PPP1R16B: variants seen among roughly 807,000 people sequenced by gnomAD.
The protein encoded by PPP1R16B is protein phosphatase 1 regulatory subunit 16B, also known as protein phosphatase 1 regulatory inhibitor subunit 16B.
In PPP1R16B, 14 loss-of-function variants were observed where a neutral mutation model predicts 61.7. The ratio of observed to expected loss-of-function variants is 0.23; its 90% CI spans 0.15 to 0.35. The LOEUF (loss-of-function observed/expected upper bound fraction) is 0.35. Among genes scored for constraint, PPP1R16B ranks in the 10% least tolerant of loss-of-function variants. The pLI, the probability that PPP1R16B is intolerant of heterozygous loss-of-function variation, is 1.00. For synonymous variants in PPP1R16B, 266 were observed against 305.3 expected (o/e 0.87, Z 1.34); for missense variants, 547 against 752.5 (o/e 0.73, Z 3.19).
chr20:38,835,815 C>A lies in PPP1R16B; in HGVS notation c.-101-10C>A. ...ACATGTGTTCATCTGTGTCTCCCTC[C>A]CTGCCACAGGCCACACCATGAGGCC... On this transcript the variant is annotated splice_polypyrimidine_tract_variant and intron_variant, in intron 1 of 10. Coordinates refer to ENST00000299824, the MANE Select transcript of PPP1R16B (RefSeq NM_015568.4). 1 of 1,292,526 alleles carries A rather than the reference C, an allele frequency of 7.7e-7. No homozygotes were observed. The highest frequency in any genetic ancestry group is 1.0e-6 in the Non-Finnish European group (1 of 969,290). The allele number at this position is 1,292,526 out of a possible 1,614,324, so 80.1% of individuals were successfully genotyped here.
intron 2 of PPP1R16B, among the ~76,000 whole-genome samples, chr20:38,876,846 A>AG (rs1296415110): frequency 1.3e-5 from 2 of 152,362 alleles, no homozygotes; most frequent in Non-Finnish European, 1.5e-5. Context: ...TTATAAAGGT[A>AG]GTACATATGG....
chr20:38,833,592 TTTAA>T (rs1475765373), intron 1 of PPP1R16B, among the ~76,000 whole-genome samples: 1 of 152,212 alleles, frequency 6.6e-6, no homozygotes, highest in Non-Finnish European at 1.5e-5. Flanking sequence ...AAATAAAAAG[TTTAA>T]TTAGTTGAAA....
At chr20:38,840,741 G>T (rs1423077561) in intron 2 of PPP1R16B, among the ~76,000 whole-genome samples, 1 of 152,210 alleles carries the variant, frequency 6.6e-6, no homozygotes, top group East Asian at 1.9e-4. Flanking sequence ...CCTGCAGTTT[G>T]TCCTCCAGGA....
At chr20:38,853,893 A>G (rs2084985192) in intron 2 of PPP1R16B, among the ~76,000 whole-genome samples, 1 of 152,180 alleles carries the variant, frequency 6.6e-6, no homozygotes, top group African/African-American at 2.4e-5. Flanking sequence ...GCCCCAATGC[A>G]CAAGTATTTA....
chr20:38,915,898 G>T (rs149743045), intron 10 of PPP1R16B, among the ~76,000 whole-genome samples: 2 of 151,928 alleles, frequency 1.3e-5, no homozygotes, highest in Non-Finnish European at 2.9e-5. Context: ...TCTTAGAAGT[G>T]CCAAATTGCA....
In PPP1R16B at chr20:38,895,604, C is replaced by A. The variant is rs369792119; in HGVS notation, c.361C>A (p.Leu121Ile). 3.1e-6 allele frequency: 5 copies of A among 1,613,672 alleles called. No individual in the cohort carries two copies. The highest frequency in any genetic ancestry group is 4.2e-6 in the Non-Finnish European group (5 of 1,179,686). The change falls in exon 4 of 11, where the codon CTC becomes ATC. Residue 121 changes from leucine to isoleucine, a missense_variant. Physicochemically the swap from Leu to Ile is conservative, Grantham distance 5. Coordinates refer to ENST00000299824, the MANE Select transcript of PPP1R16B (RefSeq NM_015568.4). Reference sequence around the variant, plus strand: ...CTTTGAGGAAATTGTGAAGCTGCTCCTCTCCCATGGTGCCAATGTGAACGC... The same window carrying A: ...CTTTGAGGAAATTGTGAAGCTGCTCATCTCCCATGGTGCCAATGTGAACGC... ...DNFEEIVKLL[L>I]SHGANVNAKD...
At chr20:38,905,023 T>C (rs556203319) in intron 6 of PPP1R16B, among the ~76,000 whole-genome samples, 2 of 152,334 alleles carry the variant, frequency 1.3e-5, no homozygotes, top group South Asian at 2.1e-4. Context: ...TGAACAATCA[T>C]GACAACTGAG....
At chr20:38,855,907 C>CATAT (rs371138532) in intron 2 of PPP1R16B, among the ~76,000 whole-genome samples, 331 of 17,770 alleles carry the variant, frequency 0.019, 20 homozygotes, top group Non-Finnish European at 0.021. Flanking sequence ...CAGTTTCCTA[C>CATAT]ATATATATAT....
At chr20:38,864,322 A>G (rs2085075947) in intron 2 of PPP1R16B, among the ~76,000 whole-genome samples, 2 of 152,228 alleles carry the variant, frequency 1.3e-5, no homozygotes, top group Admixed American at 6.5e-5. Context: ...TACATTTTTA[A>G]TAGGAGAATT....
At chr20:38,885,057 AAAG>A (rs1280127320) in intron 2 of PPP1R16B, among the ~76,000 whole-genome samples, 3 of 142,566 alleles carry the variant, frequency 2.1e-5, no homozygotes, top group Non-Finnish European at 4.5e-5. Context: ...AAAAAAAAAA[AAAG>A]AAGAAGAAGA....
rs1051502621 is a variant in PPP1R16B, at chr20:38,919,551, C to T, written c.*885C>T. 6.6e-6 allele frequency: 1 copy of T among 152,152 alleles called. No individual in the cohort carries two copies. The highest frequency in any genetic ancestry group is 1.5e-5 in the Non-Finnish European group (1 of 68,030). The allele number at this position is 152,152 out of a possible 1,614,324, so 9.4% of individuals were successfully genotyped here. A position where few individuals can be genotyped will look rare whatever the true frequency, so the allele number is the denominator to read the frequency against. On this transcript the variant is annotated 3_prime_UTR_variant, in exon 11 of 11. Coordinates refer to ENST00000299824, the MANE Select transcript of PPP1R16B (RefSeq NM_015568.4). ...AAAAATTCCTTTAGTCTGTAAAACT[C>T]CTAGAGGGAGGGAGGTAACTGAATT...
At chr20:38,916,392 T>A (rs1568688084) in intron 10 of PPP1R16B, among the ~76,000 whole-genome samples, 1 of 148,224 alleles carries the variant, frequency 6.7e-6, no homozygotes, top group African/African-American at 2.5e-5. Flanking sequence ...TTATATATAT[T>A]TATATATGTA....
intron 1 of PPP1R16B, among the ~76,000 whole-genome samples, chr20:38,815,765 A>C (rs907424196): frequency 3.3e-5 from 5 of 152,256 alleles, no homozygotes; most frequent in African/African-American, 1.2e-4. Flanking sequence ...TTATGCCTAC[A>C]TAATGATGAT....
At chr20:38,845,430 G>C (rs2084931014) in intron 2 of PPP1R16B, among the ~76,000 whole-genome samples, 1 of 152,176 alleles carries the variant, frequency 6.6e-6, no homozygotes, top group South Asian at 2.1e-4. Flanking sequence ...CTAAGTGACA[G>C]AGGAAGACTC....
At chr20:38,849,902 A>G (rs2084957585) in intron 2 of PPP1R16B, among the ~76,000 whole-genome samples, 1 of 152,140 alleles carries the variant, frequency 6.6e-6, no homozygotes, top group Admixed American at 6.5e-5. Flanking sequence ...TTTTGAGCCC[A>G]ATTATCTACC....
Position 38,906,079 on chromosome 20 carries a change from T to TG in PPP1R16B, c.808dup (p.Ala270GlyfsTer18). 6.2e-7 allele frequency: 1 copy of TG among 1,613,184 alleles called. No individual in the cohort carries two copies. The highest frequency in any genetic ancestry group is 1.3e-5 in the African/African-American group (1 of 75,024). On this transcript the variant is annotated frameshift_variant, in exon 7 of 11. Coordinates refer to ENST00000299824, the MANE Select transcript of PPP1R16B (RefSeq NM_015568.4). LOFTEE classifies it high-confidence loss of function. ...ATGGCTGGGAGCCCCTGCATGCAGC[T>TG]GCCTTCTGGGGACAGGTAGTTCTCA... is the stretch of plus-strand genomic sequence containing the variant.
intron 3 of PPP1R16B, among the ~76,000 whole-genome samples, chr20:38,891,785 G>A (rs957448194): frequency 1.7e-4 from 26 of 151,148 alleles, no homozygotes; most frequent in Non-Finnish European, 3.2e-4. Flanking sequence ...CTGGGTGACA[G>A]AGTGAGACTC....
At chr20:38,813,407 T>G (rs944544891) in intron 1 of PPP1R16B, among the ~76,000 whole-genome samples, 10 of 152,112 alleles carry the variant, frequency 6.6e-5, no homozygotes, top group Non-Finnish European at 1.2e-4. Flanking sequence ...GCCCTGAAAG[T>G]CTGTATTTTC....
chr20:38,826,760 T>G (rs559992440), intron 1 of PPP1R16B, among the ~76,000 whole-genome samples: 1 of 152,268 alleles, frequency 6.6e-6, no homozygotes, highest in African/African-American at 2.4e-5. Flanking sequence ...TCATGGGCCT[T>G]CATGGGGCCA....
Sources: gnomAD v4.1 joint callset for allele counts (sites outside exome capture counted in the v4.1 genomes callset) on GRCh38, gnomAD v4.1.1 for gene constraint, MANE v1.5 for transcripts, NCBI Gene and HGNC (gene_info 2026-07-23, HGNC 2026-07-21) for gene names.